The following DSCAM variants were observed in gnomAD, a reference collection of about 807,000 sequenced individuals.
The protein encoded by DSCAM is DS cell adhesion molecule, also known as cell adhesion molecule DSCAM.
DSCAM carries 47 observed loss-of-function variants against 217.7 expected under a neutral mutation model. The observed-to-expected ratio is 0.22, with a 90% confidence interval of 0.17 to 0.28. DSCAM has a LOEUF of 0.28. Ranked by LOEUF, DSCAM falls within the 10% of genes least tolerant of loss-of-function variation. DSCAM has a pLI of 1.00. For synonymous variants in DSCAM, 1,056 were observed against 1,015.3 expected, an observed-to-expected ratio of 1.04 and a Z score of -0.76; for missense variants, 2,080 against 2,618.3, an observed-to-expected ratio of 0.79 and a Z score of 4.49.
At chr21:40,470,407 G>T (rs2075878600) in intron 3 of DSCAM, among the ~76,000 whole-genome samples, 1 of 152,226 alleles carries the variant, frequency 6.6e-6, no homozygotes, top group Non-Finnish European at 1.5e-5. Flanking sequence ...GTGCCATTTG[G>T]TGCCTCCCTC....
intron 3 of DSCAM, among the ~76,000 whole-genome samples, chr21:40,663,230 G>A (rs570830286): frequency 1.5e-4 from 21 of 141,006 alleles, no homozygotes; most frequent in African/African-American, 5.0e-4. Flanking sequence ...GGTGTGGGGG[G>A]AATATAAGCA....
At chr21:40,166,762 G>T (rs1371373583) in intron 16 of DSCAM, among the ~76,000 whole-genome samples, 1 of 152,212 alleles carries the variant, frequency 6.6e-6, no homozygotes, top group Non-Finnish European at 1.5e-5. Flanking sequence ...TCACTGGCAA[G>T]AAAATTTAGG....
chr21:40,548,348 G>T (rs1357999138), intron 3 of DSCAM, among the ~76,000 whole-genome samples: 1 of 152,076 alleles, frequency 6.6e-6, no homozygotes, highest in South Asian at 2.1e-4. Flanking sequence ...GTTCGGCTTG[G>T]TACTGATCTT....
At chr21:40,185,467 C>T (rs28464208) in intron 14 of DSCAM, among the ~76,000 whole-genome samples, 29,683 of 152,166 alleles carry the variant, frequency 0.2, 3,872 homozygotes, top group Non-Finnish European at 0.29. Flanking sequence ...CGGCAATGCC[C>T]GCTCCTCCAT....
intron 3 of DSCAM, among the ~76,000 whole-genome samples, chr21:40,630,939 G>A (rs2089683496): frequency 6.6e-6 from 1 of 152,172 alleles, no homozygotes. Flanking sequence ...AGGTCAAGGG[G>A]CCAAGGAGAG....
At chr21:40,233,679 AT>A (rs2091401839) in intron 11 of DSCAM, among the ~76,000 whole-genome samples, 1 of 151,864 alleles carries the variant, frequency 6.6e-6, no homozygotes, top group Non-Finnish European at 1.5e-5. Context: ...GCCCTTTCAT[AT>A]TTTTCTCTGC....
At chr21:40,116,006 A>G (rs1273499553) in intron 20 of DSCAM, among the ~76,000 whole-genome samples, 1 of 152,220 alleles carries the variant, frequency 6.6e-6, no homozygotes, top group African/African-American at 2.4e-5. Context: ...CTTTGCAGAG[A>G]TGGATGGAGC....
intron 16 of DSCAM, among the ~76,000 whole-genome samples, chr21:40,157,095 GA>G (rs35677569): frequency 6.6e-6 from 1 of 152,158 alleles, no homozygotes; most frequent in South Asian, 2.1e-4. Context: ...TTAAATGATT[GA>G]AAAAAATCAA....
chr21:40,376,010 G>A (rs903852513), intron 3 of DSCAM, among the ~76,000 whole-genome samples: 2 of 152,280 alleles, frequency 1.3e-5, no homozygotes. Context: ...TAGATCTTCA[G>A]TAAAGGCAAT....
At chr21:40,606,651 T>C (rs2089242678) in intron 3 of DSCAM, among the ~76,000 whole-genome samples, 1 of 152,212 alleles carries the variant, frequency 6.6e-6, no homozygotes, top group South Asian at 2.1e-4. Flanking sequence ...TGACCTGGGC[T>C]GTAGTAGCTG....
intron 3 of DSCAM, among the ~76,000 whole-genome samples, chr21:40,583,432 C>A (rs563725875): frequency 2.0e-5 from 3 of 152,132 alleles, no homozygotes; most frequent in African/African-American, 7.2e-5. Context: ...TGCTTCTCGG[C>A]CTGGTACATG....
chr21:40,394,206 T>A (rs1329955245), intron 3 of DSCAM, among the ~76,000 whole-genome samples: 1 of 152,194 alleles, frequency 6.6e-6, no homozygotes, highest in East Asian at 1.9e-4. Context: ...TGAGGCGAGA[T>A]AAAGATAAGA....
intron 1 of DSCAM, among the ~76,000 whole-genome samples, chr21:40,745,811 GA>G (rs1365363976): frequency 6.6e-6 from 1 of 151,990 alleles, no homozygotes; most frequent in Non-Finnish European, 1.5e-5. Flanking sequence ...TAAGTATGAA[GA>G]CTAAAGAAAC....
chr21:40,132,633 C>T (rs1296562276), intron 19 of DSCAM, among the ~76,000 whole-genome samples: 1 of 152,160 alleles, frequency 6.6e-6, no homozygotes, highest in Admixed American at 6.5e-5. Flanking sequence ...ACAGAGGCAG[C>T]AAAAACACCA....
chr21:40,433,922 A>C (rs1187333915), intron 3 of DSCAM, among the ~76,000 whole-genome samples: 1 of 152,234 alleles, frequency 6.6e-6, no homozygotes, highest in Non-Finnish European at 1.5e-5. Context: ...GGACGATGTC[A>C]TCTGAAGTGG....
intron 3 of DSCAM, among the ~76,000 whole-genome samples, chr21:40,456,245 T>C (rs954122210): frequency 6.6e-6 from 1 of 152,036 alleles, no homozygotes; most frequent in Non-Finnish European, 1.5e-5. Context: ...TGTATCTAAA[T>C]TAGTATTTCA....
At chr21:40,824,059 C>T (rs1474555329) in intron 1 of DSCAM, among the ~76,000 whole-genome samples, 8 of 152,118 alleles carry the variant, frequency 5.3e-5, no homozygotes, top group African/African-American at 9.7e-5. Flanking sequence ...TGTGAGACAC[C>T]GCCATGGGGA....
At chr21:40,606,954 T>C (rs948830622) in intron 3 of DSCAM, among the ~76,000 whole-genome samples, 11 of 152,210 alleles carry the variant, frequency 7.2e-5, no homozygotes, top group African/African-American at 2.7e-4. Flanking sequence ...CCTGCTGCCA[T>C]CCTTGTAAAA....
intron 15 of DSCAM, among the ~76,000 whole-genome samples, chr21:40,169,604 A>T (rs780692134): frequency 6.6e-6 from 1 of 152,222 alleles, no homozygotes; most frequent in Non-Finnish European, 1.5e-5. Context: ...TAAGAATGCC[A>T]AGAAACGAAG....
Sources: allele counts gnomAD v4.1 joint callset (sites outside exome capture counted in the v4.1 genomes callset), GRCh38; gene constraint gnomAD v4.1.1; transcripts MANE v1.5; gene names NCBI Gene and HGNC (gene_info 2026-07-23, HGNC 2026-07-21).